TENM4: variants seen among roughly 807,000 people sequenced by gnomAD.
TENM4 encodes teneurin transmembrane protein 4.
TENM4 carries 82 observed loss-of-function variants against 243.3 expected under a neutral mutation model. The ratio of observed to expected loss-of-function variants is 0.34; its 90% CI spans 0.28 to 0.40. The LOEUF (loss-of-function observed/expected upper bound fraction) is 0.40. Among genes scored for constraint, TENM4 ranks in the 10% least tolerant of loss-of-function variants. TENM4 has a pLI of 1.00. For synonymous variants in TENM4, 1,412 were observed against 1,456.3 expected, an observed-to-expected ratio of 0.97 and a Z score of 0.69; for missense variants, 3,138 against 3,673.3, an observed-to-expected ratio of 0.85 and a Z score of 3.77.
intron 4 of TENM4, among the ~76,000 whole-genome samples, chr11:79,145,313 A>G (rs922512138): frequency 6.6e-6 from 1 of 152,072 alleles, no homozygotes; most frequent in Non-Finnish European, 1.5e-5. Flanking sequence ...ACAAATTGAC[A>G]ACACCCATTT....
intron 4 of TENM4, among the ~76,000 whole-genome samples, chr11:79,075,951 A>G (rs933953114): frequency 7.9e-5 from 12 of 152,222 alleles, no homozygotes; most frequent in African/African-American, 2.9e-4. Context: ...ACAGCTCACC[A>G]TCTCTCTGGG....
chr11:78,941,150 G>A (rs923148656), intron 6 of TENM4, among the ~76,000 whole-genome samples: 7 of 152,202 alleles, frequency 4.6e-5, no homozygotes, highest in Admixed American at 1.3e-4. Context: ...CCGGATCCCC[G>A]TGGGCTTGAC....
At chr11:78,803,914 A>G (rs7122364) in intron 15 of TENM4, among the ~76,000 whole-genome samples, 1,588 of 152,342 alleles carry the variant, frequency 0.01, 27 homozygotes, top group African/African-American at 0.036. Flanking sequence ...TCATGCCTTT[A>G]CATGAGCTTT....
At chr11:79,233,467 G>C (rs1032621561) in intron 2 of TENM4, among the ~76,000 whole-genome samples, 3 of 152,128 alleles carry the variant, frequency 2.0e-5, no homozygotes, top group Non-Finnish European at 4.4e-5. Flanking sequence ...AAGGAGGAGG[G>C]GACTTGAGTG....
At chr11:78,719,212 T>A (rs936986853) in intron 25 of TENM4, among the ~76,000 whole-genome samples, 20 of 151,856 alleles carry the variant, frequency 1.3e-4, no homozygotes, top group African/African-American at 4.8e-4. Flanking sequence ...GATGAAGGAA[T>A]TTTTTCAAGG....
Position 79,227,814 on chromosome 11 carries a change from G to A in TENM4, c.-264-11905C>T, listed in dbSNP as rs75078329. 2.5e-3 allele frequency among the ~76,000 whole-genome samples: 376 copies of A among 152,268 alleles called. 9 individuals are homozygous for A. The East Asian group carries it at 0.061, about 25-fold the overall frequency. On this transcript the variant is annotated intron_variant, in intron 2 of 33. Coordinates refer to ENST00000278550, the MANE Select transcript of TENM4 (RefSeq NM_001098816.3). Reference sequence around the variant, plus strand: ...GGTTAGGGTGTTTGAGGCACTGCAGGAAAGCTGGAGTCTAATGAAACTGAG... The same window carrying A: ...GGTTAGGGTGTTTGAGGCACTGCAGAAAAGCTGGAGTCTAATGAAACTGAG...
intron 1 of TENM4, among the ~76,000 whole-genome samples, chr11:79,310,762 C>T (rs1199012111): frequency 6.6e-6 from 1 of 152,066 alleles, no homozygotes; most frequent in Admixed American, 6.6e-5. Flanking sequence ...CCTGTTTTTC[C>T]AGCCCTGCCA....
intron 4 of TENM4, among the ~76,000 whole-genome samples, chr11:79,131,209 T>A (rs553915487): frequency 6.6e-6 from 1 of 152,070 alleles, no homozygotes; most frequent in Non-Finnish European, 1.5e-5. Context: ...GCAAAAAGAT[T>A]GCCTCGGCAC....
chr11:78,876,037 A>C (rs1859262603), intron 9 of TENM4, among the ~76,000 whole-genome samples: 1 of 152,154 alleles, frequency 6.6e-6, no homozygotes, highest in African/African-American at 2.4e-5. Context: ...CACGGTCTGC[A>C]TAGGGTTTAT....
chr11:79,065,096 G>A lies in TENM4; in HGVS notation c.224-89C>T, dbSNP rs531284625. 6.4e-6 allele frequency: 9 copies of A among 1,412,378 alleles called. No individual in the cohort carries two copies. In the African/African-American group the frequency reaches 7.3e-5, roughly 11 times the overall value. The allele number at this position is 1,412,378 out of a possible 1,614,324, so 87.5% of individuals were successfully genotyped here. A position where few individuals can be genotyped will look rare whatever the true frequency, so the allele number is the denominator to read the frequency against. On this transcript the variant is annotated intron_variant, in intron 5 of 33. Transcript: ENST00000278550. ...TGAAGCCTGGCCTTCTTACCCCAGGGCTCACTGTCGTTCTTTGAACTTGCT... is the reference window on the plus strand; with the variant it reads ...TGAAGCCTGGCCTTCTTACCCCAGGACTCACTGTCGTTCTTTGAACTTGCT...
intron 3 of TENM4, among the ~76,000 whole-genome samples, chr11:79,183,822 A>G (rs1006564114): frequency 2.6e-5 from 4 of 152,162 alleles, no homozygotes; most frequent in Admixed American, 2.6e-4. Flanking sequence ...CTTCATGTGC[A>G]TTAGGATGGC....
intron 6 of TENM4, among the ~76,000 whole-genome samples, chr11:78,936,560 C>T (rs1856788856): frequency 6.6e-6 from 1 of 152,166 alleles, no homozygotes; most frequent in Non-Finnish European, 1.5e-5. Context: ...AGAGTATTTA[C>T]CAAGTACCTA....
chr11:78,904,080 GC>G (rs952559160), intron 6 of TENM4, among the ~76,000 whole-genome samples: 7 of 152,078 alleles, frequency 4.6e-5, no homozygotes, highest in African/African-American at 1.7e-4. Context: ...GTAAAACGTG[GC>G]CGGTCGCGGT....
At chr11:78,785,494 A>G (rs1198504014) in intron 16 of TENM4, among the ~76,000 whole-genome samples, 1 of 152,142 alleles carries the variant, frequency 6.6e-6, no homozygotes, top group Non-Finnish European at 1.5e-5. Flanking sequence ...GGAAAAATCG[A>G]GTGTCAAATT....
intron 2 of TENM4, among the ~76,000 whole-genome samples, chr11:79,272,287 A>G (rs1179897298): frequency 6.6e-6 from 1 of 152,210 alleles, no homozygotes; most frequent in East Asian, 1.9e-4. Context: ...CTGTTTTCAG[A>G]ACAGTTCAGA....
At chr11:79,428,990 T>C (rs560742264) in intron 1 of TENM4, among the ~76,000 whole-genome samples, 9 of 152,306 alleles carry the variant, frequency 5.9e-5, no homozygotes, top group African/African-American at 2.2e-4. Context: ...CAATCTGTGG[T>C]GGGGGCATGG....
At chr11:79,140,307 T>C (rs570425369) in intron 4 of TENM4, among the ~76,000 whole-genome samples, 3 of 152,064 alleles carry the variant, frequency 2.0e-5, no homozygotes, top group Non-Finnish European at 4.4e-5. Context: ...ACCATCCCCT[T>C]CCCTCCGGGC....
At chr11:79,226,369 G>T (rs1029146251) in intron 2 of TENM4, among the ~76,000 whole-genome samples, 11 of 152,220 alleles carry the variant, frequency 7.2e-5, no homozygotes, top group African/African-American at 2.4e-4. Flanking sequence ...GCTAGCAGAG[G>T]GGGAGAGGGG....
chr11:78,760,282 A>G (rs1367211789), intron 18 of TENM4, among the ~76,000 whole-genome samples: 2 of 152,186 alleles, frequency 1.3e-5, no homozygotes, highest in East Asian at 3.9e-4. Context: ...GGAGCCTTTT[A>G]TTCTGTGATC....
Sources: gnomAD v4.1 joint callset for allele counts (sites outside exome capture counted in the v4.1 genomes callset) on GRCh38, gnomAD v4.1.1 for gene constraint, MANE v1.5 for transcripts, NCBI Gene and HGNC (gene_info 2026-07-23, HGNC 2026-07-21) for gene names.